The following EFTUD2 variants were observed in gnomAD, a reference collection of about 807,000 sequenced individuals.
EFTUD2 encodes elongation factor Tu GTP binding domain containing 2, also known as 116 kDa U5 small nuclear ribonucleoprotein component.
EFTUD2 carries 9 observed loss-of-function variants against 114.3 expected under a neutral mutation model. The observed-to-expected ratio is 0.08, with a 90% confidence interval of 0.05 to 0.14. The LOEUF (loss-of-function observed/expected upper bound fraction) is 0.14. Ranked by LOEUF, EFTUD2 falls within the 10% of genes least tolerant of loss-of-function variation. EFTUD2 has a pLI of 1.00. For missense variants in EFTUD2, 765 were observed against 1,241.2 expected (o/e 0.62, Z 5.76); for synonymous variants, 449 against 462.3 (o/e 0.97, Z 0.37).
At position 44,891,641 on chromosome 17, in the gene EFTUD2, A is replaced by G. The variant is rs8069575; in HGVS notation, c.105+2776T>C. 4.6e-3 allele frequency among the ~76,000 whole-genome samples: 704 copies of G among 151,596 alleles called. 7 individuals are homozygous for G. Among genetic ancestry groups the G allele is most frequent in the African/African-American group, 0.017 (690 of 41,374 alleles). On this transcript the variant is annotated intron_variant, in intron 2 of 27. Coordinates refer to ENST00000426333, the MANE Select transcript of EFTUD2 (RefSeq NM_004247.4). ...CTGGGGTTATAGGTGTGAGCCACTA[A>G]GTGTTTAGCCCATTATTCTTTATTT...
chr17:44,856,371 A>G (rs899544755), intron 20 of EFTUD2, among the ~76,000 whole-genome samples: 1 of 151,814 alleles, frequency 6.6e-6, no homozygotes, highest in African/African-American at 2.4e-5. Context: ...TCTACTAAAA[A>G]TACAAAAAAT....
At chr17:44,883,508 T>C in intron 5 of EFTUD2, 141 bp downstream of exon 5, 1 of 802,662 alleles carries the variant, frequency 1.2e-6, no homozygotes, top group Non-Finnish European at 2.1e-6. Context: ...ACAGTATGAC[T>C]TCGTAACAGG....
At position 44,876,427 on chromosome 17, in the gene EFTUD2, T is replaced by C. The variant is rs60062329; in HGVS notation, c.703-327A>G. ...TGGGGGTATTAGGATTAATGCATGA[T>C]TTTTAATATATGTGTGTAGAAATAG... On this transcript the variant is annotated intron_variant, in intron 9 of 27. Transcript: ENST00000426333. 6.6e-3 allele frequency among the ~76,000 whole-genome samples: 1,002 copies of C among 152,276 alleles called. 9 individuals are homozygous for C. The highest frequency in any genetic ancestry group is 0.023 in the African/African-American group (942 of 41,544).
intron 6 of EFTUD2, among the ~76,000 whole-genome samples, chr17:44,882,832 A>G (rs1026279487): frequency 2.0e-5 from 3 of 152,184 alleles, no homozygotes; most frequent in Non-Finnish European, 4.4e-5. Context: ...TAGACTATAA[A>G]AGTCAGGATA....
chr17:44,852,346 C>G, intron 26 of EFTUD2, 63 bp downstream of exon 26: 1 of 1,601,974 alleles, frequency 6.2e-7, no homozygotes, highest in Admixed American at 1.7e-5. Flanking sequence ...GGGATCAGGA[C>G]AGAAGGGGAT....
In EFTUD2 at chr17:44,854,715, C is replaced by T. The variant is rs549396378; in HGVS notation, c.2133-33G>A. On this transcript the variant is annotated intron_variant, in intron 21 of 27. Transcript: ENST00000426333. This position sits in a 1 kb window ranked among gnomAD's most constrained non-coding sequence, Gnocchi z 4.3. The stretch of plus-strand genomic sequence containing the variant: ...AGGGAGGAGACAATGGAGCTGTCAG[C>T]CAGCTCTGTGATTGCTGGTCCTGGA... The T allele has an allele frequency of 1.3e-5, 21 of 1,603,198 alleles. No homozygotes were observed. In the South Asian group the frequency reaches 2.2e-4, roughly 17 times the overall value.
rs1277041503 is a variant in EFTUD2 at position 44,851,321 on chromosome 17, A to G, written c.2872T>C (p.Leu958=). 2 of 1,614,056 alleles carry G rather than the reference A, an allele frequency of 1.2e-6. No homozygotes were observed. Among genetic ancestry groups the G allele is most frequent in the Non-Finnish European group, 1.7e-6 (2 of 1,180,034 alleles). The change falls in exon 28 of 28, where the codon TTG becomes CTG. Residue 958 remains leucine, a synonymous_variant. Coordinates refer to ENST00000426333, the MANE Select transcript of EFTUD2 (RefSeq NM_004247.4). ...SISKFFDDPM[L]LELAKQDVVL... The stretch of plus-strand genomic sequence containing the variant: ...ACATCCTGTTTGGCAAGTTCCAGCA[A>G]CATAGGATCATCGAAGAATTTGCTG...
chr17:44,879,729 G>A (rs762900142), intron 8 of EFTUD2, 91 bp from the exon 9 acceptor site: 29 of 1,234,502 alleles, frequency 2.3e-5, no homozygotes, highest in Admixed American at 3.8e-5. Context: ...TTCAAAGCCC[G>A]TGAACCTCCG....
At chr17:44,852,642 C>T in intron 25 of EFTUD2, 80 bp from the exon 26 acceptor site, 1 of 1,510,918 alleles carries the variant, frequency 6.6e-7, no homozygotes, top group Non-Finnish European at 9.0e-7. Flanking sequence ...TTGCTGTCCC[C>T]CAAATGCATT....
intron 24 of EFTUD2, 37 bp from the exon 25 acceptor site, chr17:44,853,427 G>C: frequency 6.2e-7 from 1 of 1,612,848 alleles, no homozygotes; most frequent in Non-Finnish European, 8.5e-7. Context: ...CTCAGCTTGG[G>C]GAAGGCTGGG....
chr17:44,878,881 T>A (rs1185656716), intron 9 of EFTUD2, among the ~76,000 whole-genome samples: 1 of 152,148 alleles, frequency 6.6e-6, no homozygotes, highest in Non-Finnish European at 1.5e-5. Context: ...CATCTCTCAA[T>A]TGAGGAATAC....
chr17:44,865,054 G>A lies in EFTUD2; in HGVS notation c.1161C>T (p.Asp387=), dbSNP rs549162201. Residue 387 remains aspartate, a synonymous_variant, in exon 14 of 28, where the codon GAC becomes GAT. Coordinates refer to ENST00000426333, the MANE Select transcript of EFTUD2 (RefSeq NM_004247.4). ...LYKILAQVVG[D]VDTSLPRTLD... ...GGGTCCGTGGGAGGCTGGTGTCCAC[G>A]TCACCTACAACCTGTGAGGGTGTAA... The A allele has an allele frequency of 1.2e-5, 19 of 1,614,034 alleles. No individual in the cohort carries two copies. In the East Asian group the frequency reaches 1.6e-4, roughly 13 times the overall value.
chr17:44,888,434 G>A (rs775004044), intron 2 of EFTUD2, among the ~76,000 whole-genome samples: 13 of 152,272 alleles, frequency 8.5e-5, no homozygotes, highest in Middle Eastern at 6.8e-3. Flanking sequence ...CAGGGGTTTG[G>A]AGCAGAGAAG....
Position 44,876,049 on chromosome 17 carries a change from C to A in EFTUD2, c.754G>T (p.Ala252Ser). 1 of 1,614,006 alleles carries A rather than the reference C, an allele frequency of 6.2e-7. No homozygotes were observed. Among genetic ancestry groups the A allele is most frequent in the Admixed American group, 1.7e-5 (1 of 60,018 alleles). ...ATCTTGTTGATGCACACAGTGACTG[C>A]CAGCCTCTCCTGCACCGCATGCTTG... ...LIKHAVQERLAVTVCINKIDR... is the reference protein window; with the variant it reads ...LIKHAVQERLSVTVCINKIDR... The change falls in exon 10 of 28, where the codon GCA becomes TCA. Residue 252 changes from alanine (A) to serine (S), a missense_variant. This residue lies in a region of EFTUD2 where 251 missense variants were observed against 357.7 expected (regional missense o/e 0.70). Transcript: ENST00000426333.
At position 44,859,526 on chromosome 17, in the gene EFTUD2, C is replaced by T. The variant is rs1286529394; in HGVS notation, c.1861-345G>A. 1.4e-5 allele frequency: 7 copies of T among 502,868 alleles called. No homozygotes were observed. The East Asian group carries it at 2.4e-4, about 18-fold the overall frequency. 31.2% of individuals were successfully genotyped at this position (502,868 alleles called of 1,614,324 possible). ...GGTACACTGGCAGGCTCATAGTGTA[C>T]AAGGATCAGAGTAACAACTCACTTT... On this transcript the variant is annotated intron_variant, in intron 18 of 27. Coordinates refer to ENST00000426333, the MANE Select transcript of EFTUD2 (RefSeq NM_004247.4).
chr17:44,860,254 C>T (rs568958147), intron 17 of EFTUD2, 178 bp downstream of exon 17: 38 of 763,518 alleles, frequency 5.0e-5, no homozygotes, highest in Non-Finnish European at 6.0e-5. Flanking sequence ...AAAAGGCACC[C>T]GTCCTAATTC....
At chr17:44,852,886 A>AT (rs11449772) in intron 25 of EFTUD2, among the ~76,000 whole-genome samples, 98,390 of 148,412 alleles carry the variant, frequency 0.66, 33,138 homozygotes, top group African/African-American at 0.8. Context: ...AGAAATGTCA[A>AT]TTTTTTTTTT....
At chr17:44,890,906 C>G (rs2051267550) in intron 2 of EFTUD2, among the ~76,000 whole-genome samples, 1 of 152,030 alleles carries the variant, frequency 6.6e-6, no homozygotes, top group Non-Finnish European at 1.5e-5. Flanking sequence ...GGAATATAAC[C>G]CAAAGAAATT....
chr17:44,863,074 A>C lies in EFTUD2; in HGVS notation c.1414-168T>G, dbSNP rs1381797848. 13 of 517,558 alleles carry C rather than the reference A, an allele frequency of 2.5e-5. 1 individual carries two copies. The highest frequency in any genetic ancestry group is 4.0e-5 in the Non-Finnish European group (12 of 302,362). The allele number at this position is 517,558 out of a possible 1,614,324, so 32.1% of individuals were successfully genotyped here. A position where few individuals can be genotyped will look rare whatever the true frequency, so the allele number is the denominator to read the frequency against. On this transcript the variant is annotated intron_variant, in intron 15 of 27. Transcript: ENST00000426333. Reference sequence around the variant, plus strand: ...CTACCCCATCCCTCTGAGAAGGATGAATAGGAGACATGGCAGAGCAAAAAT... The same window carrying C: ...CTACCCCATCCCTCTGAGAAGGATGCATAGGAGACATGGCAGAGCAAAAAT...
Sources: gnomAD v4.1 joint callset for allele counts (sites outside exome capture counted in the v4.1 genomes callset) on GRCh38, gnomAD v4.1.1 for gene constraint, gnomAD v4.1.1 regional missense constraint, Gnocchi (gnomAD v3.1) non-coding constraint, MANE v1.5 for transcripts, NCBI Gene and HGNC (gene_info 2026-07-23, HGNC 2026-07-21) for gene names.